The following MYOCD variants were observed in gnomAD, a reference collection of about 807,000 sequenced individuals.
The protein encoded by MYOCD is myocardin.
A neutral mutation model predicts 96.1 loss-of-function variants in MYOCD; 32 were observed. The observed-to-expected ratio is 0.33, with a 90% CI of 0.25 to 0.45. The LOEUF (loss-of-function observed/expected upper bound fraction) is 0.45. Ranked by LOEUF, MYOCD falls within the 20% of genes least tolerant of loss-of-function variation. MYOCD has a pLI of 1.00. For synonymous variants in MYOCD, 469 were observed against 469.0 expected (o/e 1.00, Z 0.00); for missense variants, 1,133 against 1,200.6 (o/e 0.94, Z 0.83).
chr17:12,719,698 C>CAAAAA (rs57311284), intron 4 of MYOCD, among the ~76,000 whole-genome samples: 2 of 106,314 alleles, frequency 1.9e-5, no homozygotes, highest in Non-Finnish European at 1.8e-5. Context: ...ACTAAAAATA[C>CAAAAA]AAAAAAAAAA....
chr17:12,756,620 C>T lies in MYOCD; in HGVS notation c.2202+63C>T, dbSNP rs191934842. 7.4e-4 allele frequency: 1,058 copies of T among 1,423,068 alleles called. 12 individuals are homozygous for T. The African/African-American group carries it at 0.014, about 19-fold the overall frequency. 88.2% of individuals were successfully genotyped at this position (1,423,068 alleles called of 1,614,324 possible). On this transcript the variant is annotated intron_variant, in intron 11 of 13. Transcript: ENST00000425538. ...TTTGCCTCTTCTCTCTTCTGTAACC[C>T]GGGAGGCAGAAGTTGCAGTGAGCCG...
intron 1 of MYOCD, among the ~76,000 whole-genome samples, chr17:12,699,084 A>G (rs960366155): frequency 6.7e-6 from 1 of 149,594 alleles, no homozygotes; most frequent in African/African-American, 2.5e-5. Context: ...TTGTAATGGA[A>G]TTTTTCTCTC....
At chr17:12,692,930 T>G (rs2030528846) in intron 1 of MYOCD, among the ~76,000 whole-genome samples, 1 of 152,166 alleles carries the variant, frequency 6.6e-6, no homozygotes, top group Non-Finnish European at 1.5e-5. Context: ...TTAGTGAGTT[T>G]ATCACTTTCT....
intron 3 of MYOCD, 63 bp downstream of exon 3, chr17:12,715,637 T>C (rs2150683336): frequency 7.6e-7 from 1 of 1,317,144 alleles, no homozygotes; most frequent in Non-Finnish European, 1.1e-6. Context: ...TGAATGCTAA[T>C]CCTTGGTGGA....
chr17:12,742,268 A>G (rs2032533761), intron 7 of MYOCD, among the ~76,000 whole-genome samples: 2 of 152,188 alleles, frequency 1.3e-5, no homozygotes, highest in Non-Finnish European at 2.9e-5. Flanking sequence ...ACTTGTGTTC[A>G]TTATTCATTA....
In MYOCD at chr17:12,744,381, C is replaced by A; in HGVS notation, c.916C>A (p.Gln306Lys). 1.2e-6 allele frequency: 2 copies of A among 1,614,094 alleles called. No homozygotes were observed. The highest frequency in any genetic ancestry group is 4.5e-5 in the East Asian group (2 of 44,872). The change falls in exon 8 of 14, where the codon CAG becomes AAG. Residue 306 changes from glutamine to lysine, a missense_variant. Transcript: ENST00000425538. The part of the protein sequence containing the change: ...FLQLQILSQQ[Q>K]QQQQHRFSYL... ...GCAGCTCCAAATCCTCAGCCAGCAG[C>A]AGCAGCAGCAGCAACACCGATTCAG...
intron 1 of MYOCD, among the ~76,000 whole-genome samples, chr17:12,685,394 C>T (rs1162392587): frequency 6.6e-6 from 1 of 152,166 alleles, no homozygotes; most frequent in African/African-American, 2.4e-5. Flanking sequence ...CACTTGAGGT[C>T]AGGAGTTCAA....
intron 5 of MYOCD, among the ~76,000 whole-genome samples, chr17:12,725,120 G>A (rs1300063752): frequency 3.3e-5 from 5 of 151,790 alleles, no homozygotes; most frequent in South Asian, 2.1e-4. Context: ...TATTAATTGC[G>A]CACATTTATT....
chr17:12,754,657 T>G lies in MYOCD; in HGVS notation c.2058+1311T>G, dbSNP rs1184149031. On this transcript the variant is annotated intron_variant, in intron 10 of 13. Transcript: ENST00000425538. ...AACTCAAAGACTAGGCAAAGGTGAC[T>G]GACAAAGACTTTATGCTCATGAGCT... Among the ~76,000 whole-genome samples the G allele has an allele frequency of 2.6e-5, 4 of 152,190 alleles. No homozygotes were observed. The East Asian group carries it at 7.7e-4, about 29-fold the overall frequency.
chr17:12,697,841 A>G (rs1157869744), intron 1 of MYOCD, among the ~76,000 whole-genome samples: 1 of 152,220 alleles, frequency 6.6e-6, no homozygotes, highest in East Asian at 1.9e-4. Flanking sequence ...TAAGTAAATG[A>G]AGAAGTTGGC....
chr17:12,738,319 T>C (rs1325277573), intron 6 of MYOCD, among the ~76,000 whole-genome samples: 4 of 152,146 alleles, frequency 2.6e-5, no homozygotes, highest in Non-Finnish European at 5.9e-5. Context: ...GGAGAGATCA[T>C]GGGCAGCCCT....
chr17:12,723,368 G>A (rs566545662), intron 5 of MYOCD, among the ~76,000 whole-genome samples: 1 of 152,198 alleles, frequency 6.6e-6, no homozygotes, highest in South Asian at 2.1e-4. Context: ...CTGTATCAGC[G>A]GAAAGAGCAC....
intron 4 of MYOCD, among the ~76,000 whole-genome samples, chr17:12,718,002 GC>G (rs1344235381): frequency 1.3e-5 from 2 of 152,028 alleles, no homozygotes; most frequent in African/African-American, 4.8e-5. Context: ...TTCTACTCCC[GC>G]CTCATAAGTT....
At position 12,758,165 on chromosome 17, in the gene MYOCD, A is replaced by G. The variant is rs758903253; in HGVS notation, c.2283A>G (p.Ala761=). The change falls in exon 12 of 14, where the codon GCA becomes GCG. Residue 761 remains alanine (A), a synonymous_variant. Coordinates refer to ENST00000425538, the MANE Select transcript of MYOCD (RefSeq NM_001146312.3). The stretch of plus-strand genomic sequence containing the variant: ...CAACTTTTTCTAAGTCAAGTTCAGC[A>G]ATTTCAGAGGTAACACAGCCTCCAT... ...PSPTFSKSSS[A]ISEVTQPPSY... 9.9e-6 allele frequency: 16 copies of G among 1,614,102 alleles called. No individual in the cohort carries two copies. The highest frequency in any genetic ancestry group is 1.3e-5 in the Non-Finnish European group (15 of 1,180,048).
At chr17:12,725,061 G>A (rs1385953357) in intron 5 of MYOCD, among the ~76,000 whole-genome samples, 3 of 151,716 alleles carry the variant, frequency 2.0e-5, no homozygotes, top group Non-Finnish European at 1.5e-5. Context: ...TGCAAAGTTT[G>A]TTGTTTTTAA....
At position 12,767,939 on chromosome 17, in the gene MYOCD, T is replaced by G. The variant is rs1024919973; in HGVS notation, c.*4295T>G. The G allele has an allele frequency of 6.6e-6, 1 of 152,132 alleles. No individual in the cohort carries two copies. Among genetic ancestry groups the G allele is most frequent in the Non-Finnish European group, 1.5e-5 (1 of 68,026 alleles). 9.4% of individuals were successfully genotyped at this position (152,132 alleles called of 1,614,324 possible). On this transcript the variant is annotated 3_prime_UTR_variant, in exon 14 of 14. Transcript: ENST00000425538. ...GCCTCTGGCCCTTAAAAGAAAATCA[T>G]CTAAGAATATGAAGGCAATTTGATT... is the stretch of plus-strand genomic sequence containing the variant.
intron 1 of MYOCD, among the ~76,000 whole-genome samples, chr17:12,677,758 A>G (rs1234822602): frequency 6.6e-6 from 1 of 152,040 alleles, no homozygotes; most frequent in Non-Finnish European, 1.5e-5. Flanking sequence ...GTTTATATCA[A>G]TATGCTTTGA....
At position 12,753,153 on chromosome 17, in the gene MYOCD, A is replaced by C; in HGVS notation, c.1865A>C (p.Asn622Thr). ...TGTGTGGAGTCCTCAGATCAAACCA[A>C]TGTACTTTCTTCCACATTTCTCAGC... ...AHCVESSDQT[N>T]VLSSTFLSPQ... is the part of the protein sequence containing the mutation. Residue 622 changes from asparagine to threonine, a missense_variant, in exon 10 of 14, where the codon AAT becomes ACT. Coordinates refer to ENST00000425538, the MANE Select transcript of MYOCD (RefSeq NM_001146312.3). 4.3e-6 allele frequency: 7 copies of C among 1,614,086 alleles called. No individual in the cohort carries two copies. Among genetic ancestry groups the C allele is most frequent in the Non-Finnish European group, 5.1e-6 (6 of 1,180,014 alleles).
At chr17:12,729,489 A>G (rs1443346075) in intron 5 of MYOCD, among the ~76,000 whole-genome samples, 1 of 151,982 alleles carries the variant, frequency 6.6e-6, no homozygotes, top group Non-Finnish European at 1.5e-5. Context: ...CTGAAGTTGG[A>G]GAGAGGCCTC....
Sources: gnomAD v4.1 joint callset for allele counts (sites outside exome capture counted in the v4.1 genomes callset) on GRCh38, gnomAD v4.1.1 for gene constraint, MANE v1.5 for transcripts, NCBI Gene and HGNC (gene_info 2026-07-23, HGNC 2026-07-21) for gene names.